The following MGAT4C variants were observed in gnomAD, a reference collection of about 807,000 sequenced individuals.
The protein encoded by MGAT4C is alpha-1,3-mannosyl-glycoprotein 4-beta-N-acetylglucosaminyltransferase C.
Under a neutral mutation model 40.1 loss-of-function variants are expected in MGAT4C, and 19 were observed. The ratio of observed to expected loss-of-function variants is 0.47; its 90% CI spans 0.33 to 0.70. MGAT4C has a LOEUF of 0.70. MGAT4C is among the 30% of genes least tolerant of loss of function. The probability of loss-of-function intolerance (pLI) is 0.02; values close to 1 mark genes in which losing one functional copy is unlikely to be tolerated. For synonymous variants in MGAT4C, 181 were observed against 187.1 expected, an observed-to-expected ratio of 0.97 and a Z score of 0.27; for missense variants, 491 against 563.2, an observed-to-expected ratio of 0.87 and a Z score of 1.30.
At chr12:86,033,283 T>C (rs1282065126) in intron 2 of MGAT4C, among the ~76,000 whole-genome samples, 1 of 149,812 alleles carries the variant, frequency 6.7e-6, no homozygotes, top group Non-Finnish European at 1.5e-5. Flanking sequence ...CAGATAGTTT[T>C]CCCCCCTTAG....
At chr12:86,473,190 C>T (rs574462904) in intron 2 of MGAT4C, among the ~76,000 whole-genome samples, 1 of 152,126 alleles carries the variant, frequency 6.6e-6, no homozygotes, top group Admixed American at 6.6e-5. Flanking sequence ...CTCCTGACCT[C>T]AAGTGATCTG....
intron 1 of MGAT4C, among the ~76,000 whole-genome samples, chr12:86,221,364 C>CA (rs1243753727): frequency 3.3e-5 from 5 of 151,568 alleles, no homozygotes; most frequent in African/African-American, 4.8e-5. Flanking sequence ...TTAAATGACA[C>CA]AAAAAAAGGA....
At chr12:86,607,361 T>C (rs1434167893) in intron 2 of MGAT4C, among the ~76,000 whole-genome samples, 9 of 152,140 alleles carry the variant, frequency 5.9e-5, no homozygotes, top group Admixed American at 1.3e-4. Flanking sequence ...AGTACTTGTA[T>C]TTTCTGATTT....
chr12:86,236,808 G>A (rs953851434), intron 1 of MGAT4C, among the ~76,000 whole-genome samples: 2 of 151,868 alleles, frequency 1.3e-5, no homozygotes, highest in East Asian at 3.9e-4. Context: ...AATTTAATAT[G>A]AGCAAAATAT....
chr12:86,788,127 T>C (rs1951963650), intron 1 of MGAT4C, among the ~76,000 whole-genome samples: 1 of 150,546 alleles, frequency 6.6e-6, no homozygotes. Context: ...TTATGGGTGC[T>C]ATATATATAT....
At chr12:86,816,452 T>A (rs570378588) in intron 1 of MGAT4C, among the ~76,000 whole-genome samples, 1 of 151,916 alleles carries the variant, frequency 6.6e-6, no homozygotes, top group African/African-American at 2.4e-5. Context: ...GTTTCAAATT[T>A]TTTTAAAAAA....
chr12:86,783,656 GTT>G (rs1461391802), intron 1 of MGAT4C, among the ~76,000 whole-genome samples: 2 of 151,990 alleles, frequency 1.3e-5, no homozygotes, highest in Non-Finnish European at 2.9e-5. Flanking sequence ...TGATCCTGAA[GTT>G]TTGTATTTTG....
intron 2 of MGAT4C, among the ~76,000 whole-genome samples, chr12:86,437,727 A>G (rs757697093): frequency 3.3e-5 from 5 of 151,908 alleles, no homozygotes; most frequent in Admixed American, 6.6e-5. Context: ...TTCACACAAT[A>G]TATCAAGCTT....
rs1957019299 is a variant in MGAT4C at position 86,430,681 on chromosome 12, C to G, written c.-120+4476G>C. Among the ~76,000 whole-genome samples the G allele has an allele frequency of 2.0e-5, 3 of 152,090 alleles. No individual in the cohort carries two copies. In the South Asian group the frequency reaches 6.2e-4, roughly 32 times the overall value. On this transcript the variant is annotated intron_variant, in intron 3 of 7. Transcript: ENST00000548651. The stretch of plus-strand genomic sequence containing the variant: ...ATGTTATTGGTGACCTGAAGTTGGG[C>G]AGGGCTGGAGGCTGGGCTCCAAGGT...
intron 1 of MGAT4C, among the ~76,000 whole-genome samples, chr12:86,087,137 G>T (rs1872006158): frequency 6.6e-6 from 1 of 152,058 alleles, no homozygotes; most frequent in African/African-American, 2.4e-5. Context: ...AAACATGAGA[G>T]TGCAGACATC....
Position 85,975,619 on chromosome 12 carries a change from C to G in MGAT4C, c.*3670G>C, listed in dbSNP as rs968228462. ...GGCATGCATATAAAATTTGTTGAAACACAAAGCTGAGGAGGCATAATAAGA... is the reference window on the plus strand; with the variant it reads ...GGCATGCATATAAAATTTGTTGAAAGACAAAGCTGAGGAGGCATAATAAGA... On this transcript the variant is annotated 3_prime_UTR_variant, in exon 5 of 5. Transcript: ENST00000611864. 6.6e-6 allele frequency: 1 copy of G among 150,750 alleles called. No homozygotes were observed. The highest frequency in any genetic ancestry group is 1.5e-5 in the Non-Finnish European group (1 of 67,050). 9.3% of individuals were successfully genotyped at this position (150,750 alleles called of 1,614,324 possible). A position where few individuals can be genotyped will look rare whatever the true frequency, so the allele number is the denominator to read the frequency against.
At chr12:86,389,060 T>G (rs1956117019) in intron 3 of MGAT4C, among the ~76,000 whole-genome samples, 1 of 152,192 alleles carries the variant, frequency 6.6e-6, no homozygotes, top group Admixed American at 6.6e-5. Context: ...TTTTTAACTT[T>G]TAAGTTCACT....
chr12:86,153,601 G>T (rs900363176), intron 1 of MGAT4C, among the ~76,000 whole-genome samples: 3 of 152,196 alleles, frequency 2.0e-5, no homozygotes, highest in African/African-American at 7.2e-5. Context: ...TGTCAAGGGA[G>T]GGAAGTGACT....
chr12:86,738,893 T>C (rs1951023408), intron 1 of MGAT4C, among the ~76,000 whole-genome samples: 2 of 151,060 alleles, frequency 1.3e-5, no homozygotes, highest in East Asian at 3.9e-4. Context: ...TTTTTTATGG[T>C]GTCCATGCTA....
In MGAT4C at chr12:86,120,198, CT is replaced by C. The variant is rs1177799586; in HGVS notation, c.-56-70476del. ...ATATATATAAATATAAAGCAGATCA[CT>C]TTTTAAATTTTATTATTTTTATTTT... is the stretch of plus-strand genomic sequence containing the variant. On this transcript the variant is annotated intron_variant, in intron 1 of 4. Coordinates refer to ENST00000611864, the MANE Select transcript of MGAT4C (RefSeq NM_001351288.2). 2.5e-4 allele frequency among the ~76,000 whole-genome samples: 27 copies of C among 108,666 alleles called. 1 individual carries two copies. The highest frequency in any genetic ancestry group is 1.0e-3 in the African/African-American group (27 of 26,596). 71.3% of individuals were successfully genotyped at this position (108,666 alleles called of 152,430 possible).
intron 1 of MGAT4C, among the ~76,000 whole-genome samples, chr12:86,728,328 CCTGT>C (rs1201205598): frequency 6.6e-6 from 1 of 152,034 alleles, no homozygotes; most frequent in Non-Finnish European, 1.5e-5. Flanking sequence ...GTCTTCTTCC[CCTGT>C]CTTATTATAG....
chr12:86,630,673 G>GC (rs1249780706), intron 2 of MGAT4C, among the ~76,000 whole-genome samples: 1 of 152,162 alleles, frequency 6.6e-6, no homozygotes, highest in Non-Finnish European at 1.5e-5. Context: ...CTCAATAGAT[G>GC]CAGAGGAGGC....
chr12:86,729,276 G>C (rs1224291931), intron 1 of MGAT4C, among the ~76,000 whole-genome samples: 1 of 152,036 alleles, frequency 6.6e-6, no homozygotes, highest in Non-Finnish European at 1.5e-5. Context: ...AGTTACCCTG[G>C]TGTGATTATT....
chr12:86,402,933 C>T (rs1956397519), intron 3 of MGAT4C, among the ~76,000 whole-genome samples: 1 of 152,150 alleles, frequency 6.6e-6, no homozygotes, highest in African/African-American at 2.4e-5. Flanking sequence ...CTAGGAACTA[C>T]ACATATAATC....
Sources: gnomAD v4.1 joint callset for allele counts (sites outside exome capture counted in the v4.1 genomes callset) on GRCh38, gnomAD v4.1.1 for gene constraint, MANE v1.5 for transcripts, NCBI Gene and HGNC (gene_info 2026-07-23, HGNC 2026-07-21) for gene names.